Variants in KAZN observed in about 807,000 individuals in gnomAD.
KAZN encodes kazrin, periplakin interacting protein.
A neutral mutation model predicts 87.4 loss-of-function variants in KAZN; 40 were observed. The ratio of observed to expected loss-of-function variants is 0.46; its 90% CI spans 0.36 to 0.60. The LOEUF (loss-of-function observed/expected upper bound fraction) is 0.60, where lower values mean the gene tolerates loss of function less well. Ranked by LOEUF, KAZN falls within the 20% of genes least tolerant of loss-of-function variation. The pLI is 0.00. For missense variants in KAZN, 898 were observed against 1,073.9 expected (o/e 0.84, Z 2.29); for synonymous variants, 466 against 458.3 (o/e 1.02, Z -0.22).
chr1:14,502,118 G>C (rs1036104867), intron 2 of KAZN, among the ~76,000 whole-genome samples: 1 of 151,990 alleles, frequency 6.6e-6, no homozygotes, highest in Non-Finnish European at 1.5e-5. Context: ...TATGATATGT[G>C]AATTATATCT....
intron 2 of KAZN, among the ~76,000 whole-genome samples, chr1:14,264,903 A>G (rs1651353294): frequency 6.6e-6 from 1 of 152,234 alleles, no homozygotes; most frequent in South Asian, 2.1e-4. Flanking sequence ...TAAGGTCTGT[A>G]ACCTTTGTTA....
intron 1 of KAZN, among the ~76,000 whole-genome samples, chr1:14,940,869 A>C (rs1420406536): frequency 6.8e-6 from 1 of 146,938 alleles, no homozygotes; most frequent in Non-Finnish European, 1.5e-5. Flanking sequence ...GGCAGGTGGA[A>C]ATGACCAGAC....
At chr1:14,152,675 T>C (rs754926911) in intron 1 of KAZN, among the ~76,000 whole-genome samples, 5 of 152,230 alleles carry the variant, frequency 3.3e-5, no homozygotes, top group Non-Finnish European at 7.4e-5. Flanking sequence ...CTCTTTAACA[T>C]AGAGATTTCC....
intron 1 of KAZN, among the ~76,000 whole-genome samples, chr1:14,058,010 T>C (rs375907277): frequency 8.0e-4 from 122 of 152,344 alleles, no homozygotes; most frequent in African/African-American, 2.8e-3. Flanking sequence ...AACTTCTCCA[T>C]TGATAATGTG....
intron 2 of KAZN, among the ~76,000 whole-genome samples, chr1:14,519,013 T>A (rs186303554): frequency 7.9e-5 from 12 of 152,286 alleles, no homozygotes; most frequent in Admixed American, 7.8e-4. Flanking sequence ...GTATTTTGCC[T>A]TCTTTGGGCC....
intron 2 of KAZN, among the ~76,000 whole-genome samples, chr1:14,509,271 G>T (rs1179046182): frequency 6.6e-6 from 1 of 152,176 alleles, no homozygotes; most frequent in Non-Finnish European, 1.5e-5. Flanking sequence ...TACAAATATG[G>T]TAGAAATGTG....
chr1:15,095,272 A>G (rs1336553613), intron 10 of KAZN, among the ~76,000 whole-genome samples: 1 of 152,050 alleles, frequency 6.6e-6, no homozygotes, highest in Non-Finnish European at 1.5e-5. Context: ...CTGGGCCGCC[A>G]TGGTGTCTGC....
At chr1:14,387,571 CATGTGAG>C (rs750486059) in intron 2 of KAZN, among the ~76,000 whole-genome samples, 298 of 152,276 alleles carry the variant, frequency 2.0e-3, no homozygotes, top group Non-Finnish European at 1.9e-3. Context: ...AGTACCCGGC[CATGTGAG>C]ATGTCAGTCT....
chr1:14,476,810 G>A (rs1270979811), intron 2 of KAZN, among the ~76,000 whole-genome samples: 1 of 152,114 alleles, frequency 6.6e-6, no homozygotes, highest in Non-Finnish European at 1.5e-5. Context: ...TCTGATTCCT[G>A]TCTACTTCCT....
chr1:14,766,912 A>G (rs1472481901), intron 1 of KAZN, among the ~76,000 whole-genome samples: 1 of 151,928 alleles, frequency 6.6e-6, no homozygotes, highest in Non-Finnish European at 1.5e-5. Flanking sequence ...CGTTCAAGCT[A>G]TTGGAGCTAC....
chr1:14,666,101 A>G (rs955593989), intron 1 of KAZN, among the ~76,000 whole-genome samples: 13 of 152,030 alleles, frequency 8.6e-5, no homozygotes, highest in Non-Finnish European at 1.0e-4. Flanking sequence ...AATATCTATA[A>G]TGACGGAGAG....
At chr1:14,053,001 C>T (rs774077929) in intron 1 of KAZN, among the ~76,000 whole-genome samples, 6 of 152,150 alleles carry the variant, frequency 3.9e-5, no homozygotes, top group African/African-American at 7.2e-5. Context: ...TTCCCTGCCC[C>T]TTGAGTGTGG....
intron 2 of KAZN, among the ~76,000 whole-genome samples, chr1:14,437,072 C>G (rs9661109): frequency 0.027 from 4,103 of 152,312 alleles, 189 homozygotes; most frequent in African/African-American, 0.092. Flanking sequence ...GTCTCATTCT[C>G]CTCTTGTGAA....
chr1:15,114,479 G>T lies in KAZN; in HGVS notation c.2172G>T (p.Leu724=). 6.2e-7 allele frequency: 1 copy of T among 1,609,656 alleles called. No individual in the cohort carries two copies. Among genetic ancestry groups the T allele is most frequent in the Non-Finnish European group, 8.5e-7 (1 of 1,177,570 alleles). ...TATTCTTCTCTTCTCAGCTGCCCCTGGGGAAGATAGGAAGGGGCTTCAGCA... is the reference window on the plus strand; with the variant it reads ...TATTCTTCTCTTCTCAGCTGCCCCTTGGGAAGATAGGAAGGGGCTTCAGCA... ...GLKYKAGRLP[L]GKIGRGFSSK... is the part of the protein sequence containing the mutation. The change falls in exon 15 of 15, where the codon CTG becomes CTT. Residue 724 remains leucine, a synonymous_variant. Transcript: ENST00000376030.
In KAZN at chr1:14,914,379, A is replaced by G. The variant is rs535481322; in HGVS notation, c.227-46305A>G. On this transcript the variant is annotated intron_variant, in intron 1 of 14. Coordinates refer to ENST00000376030, the MANE Select transcript of KAZN (RefSeq NM_201628.3). ...GAAAAGCCAGCTTTGTCTTTGAACA[A>G]CTAAACCCCCATCGGTGTTGGGATG... 2.6e-5 allele frequency among the ~76,000 whole-genome samples: 4 copies of G among 152,326 alleles called. No homozygotes were observed. In the South Asian group the frequency reaches 8.3e-4, roughly 32 times the overall value.
At chr1:14,727,709 G>A (rs1289746513) in intron 1 of KAZN, among the ~76,000 whole-genome samples, 4 of 151,306 alleles carry the variant, frequency 2.6e-5, no homozygotes, top group Non-Finnish European at 4.4e-5. Context: ...GAGGTAATCC[G>A]CCCACCACGG....
At chr1:15,113,265 T>G (rs1641716734) in intron 14 of KAZN, 1 of 152,164 alleles carries the variant, frequency 6.6e-6, no homozygotes, top group Non-Finnish European at 1.5e-5. Context: ...TGAAAATTTG[T>G]TTTGGCGCTG....
chr1:14,943,012 GTGT>G (rs1661294153), intron 1 of KAZN, among the ~76,000 whole-genome samples: 1 of 48,490 alleles, frequency 2.1e-5, no homozygotes, highest in African/African-American at 1.2e-4. Flanking sequence ...TGTGTGGTGT[GTGT>G]GTGTGTGTGT....
In KAZN at chr1:14,934,240, G is replaced by A. The variant is rs1389401149; in HGVS notation, c.227-26444G>A. Among the ~76,000 whole-genome samples the A allele has an allele frequency of 8.8e-5, 13 of 147,502 alleles. No homozygotes were observed. The East Asian group carries it at 1.0e-3, about 12-fold the overall frequency. On this transcript the variant is annotated intron_variant, in intron 1 of 14. Coordinates refer to ENST00000376030, the MANE Select transcript of KAZN (RefSeq NM_201628.3). ...TTTTTTTTCTTTGAGATGGAGTCTC[G>A]CTCTGTCACCAAGGCTGGAGTGCAG...
Sources: allele counts gnomAD v4.1 joint callset (sites outside exome capture counted in the v4.1 genomes callset), GRCh38; gene constraint gnomAD v4.1.1; transcripts MANE v1.5; gene names NCBI Gene and HGNC (gene_info 2026-07-23, HGNC 2026-07-21).